TNFAIP8: variants seen among roughly 807,000 people sequenced by gnomAD.
The protein encoded by TNFAIP8 is tumor necrosis factor alpha-induced protein 8.
In TNFAIP8, 7 loss-of-function variants were observed where a neutral mutation model predicts 13.3. The observed-to-expected ratio is 0.52, with a 90% CI of 0.30 to 0.99. The LOEUF is 0.99. TNFAIP8 is among the 50% of genes least tolerant of loss of function. The probability of loss-of-function intolerance (pLI) is 0.07; values close to 1 mark genes in which losing one functional copy is unlikely to be tolerated. For missense variants in TNFAIP8, 258 were observed against 236.9 expected (o/e 1.09, Z -0.58); for synonymous variants, 94 against 87.6 (o/e 1.07, Z -0.41).
upstream of TNFAIP8, chr5:119,355,863 G>T (rs1417351976): frequency 1.8e-6 from 2 of 1,125,300 alleles, no homozygotes; most frequent in South Asian, 5.6e-5. Flanking sequence ...GCGGCTCCGG[G>T]GGCGGACTCC....
chr5:119,363,250 G>C (rs1010846560), intron 1 of TNFAIP8, among the ~76,000 whole-genome samples: 2 of 152,214 alleles, frequency 1.3e-5, no homozygotes, highest in Non-Finnish European at 2.9e-5. Flanking sequence ...TTGGGCCTCA[G>C]CTAAAACCAG....
upstream of TNFAIP8, chr5:119,355,601 CA>C: frequency 1.8e-6 from 1 of 563,120 alleles, no homozygotes; most frequent in Non-Finnish European, 3.1e-6. Flanking sequence ...AAATGTAATC[CA>C]AAAATACAGA....
intron 1 of TNFAIP8, among the ~76,000 whole-genome samples, chr5:119,369,055 C>CTTTTTT (rs61101551): frequency 2.9e-5 from 3 of 105,008 alleles, no homozygotes; most frequent in South Asian, 2.5e-4. Context: ...CTTTTCTTTT[C>CTTTTTT]TTTTTTTTTT....
chr5:119,282,414 T>C (rs2150805380), intron 1 of TNFAIP8, among the ~76,000 whole-genome samples: 1 of 152,310 alleles, frequency 6.6e-6, no homozygotes, highest in South Asian at 2.1e-4. Context: ...CTGGTGAGGC[T>C]TTGCCTTTGT....
At position 119,393,623 on chromosome 5, in the gene TNFAIP8, G is replaced by C. The variant is rs955098090; in HGVS notation, c.*242G>C. The C allele has an allele frequency of 1.0e-5, 5 of 477,240 alleles. No individual in the cohort carries two copies. The highest frequency in any genetic ancestry group is 5.7e-4 in the Middle Eastern group (1 of 1,758). 29.6% of individuals were successfully genotyped at this position (477,240 alleles called of 1,614,324 possible). ...CAGACCATGGGAGAGATATGTGGTTGGGTAATGCAAATGTAGTTATACAAA... is the reference window on the plus strand; with the variant it reads ...CAGACCATGGGAGAGATATGTGGTTCGGTAATGCAAATGTAGTTATACAAA... On this transcript the variant is annotated 3_prime_UTR_variant, in exon 2 of 2. Transcript: ENST00000504771.
upstream of TNFAIP8, chr5:119,355,910 G>C (rs1751386635): frequency 1.5e-6 from 2 of 1,328,290 alleles, no homozygotes; most frequent in Non-Finnish European, 9.8e-7. Context: ...CACTCTTGCA[G>C]AACTTTCCCC....
At chr5:119,292,508 C>G (rs1018475881) in intron 1 of TNFAIP8, among the ~76,000 whole-genome samples, 1 of 150,802 alleles carries the variant, frequency 6.6e-6, no homozygotes, top group Non-Finnish European at 1.5e-5. Flanking sequence ...AGTCTACTTC[C>G]AGATGTCTAC....
intron 1 of TNFAIP8, among the ~76,000 whole-genome samples, chr5:119,297,826 C>T (rs953909976): frequency 6.6e-6 from 1 of 152,204 alleles, no homozygotes; most frequent in Non-Finnish European, 1.5e-5. Context: ...ATAGTTAGCT[C>T]TTCTTGTTGA....
intron 1 of TNFAIP8, among the ~76,000 whole-genome samples, chr5:119,310,563 G>A (rs575362411): frequency 3.3e-5 from 5 of 152,282 alleles, no homozygotes; most frequent in African/African-American, 1.2e-4. Context: ...GGCCAGGTGC[G>A]GTGGCTCACA....
intron 1 of TNFAIP8, among the ~76,000 whole-genome samples, chr5:119,277,392 C>G (rs1385644094): frequency 2.6e-5 from 4 of 152,126 alleles, no homozygotes; most frequent in African/African-American, 9.7e-5. Context: ...ACACAAGTTT[C>G]CATCAGGGAT....
intron 1 of TNFAIP8, among the ~76,000 whole-genome samples, chr5:119,300,431 C>G (rs1749350800): frequency 6.6e-6 from 1 of 152,126 alleles, no homozygotes; most frequent in Non-Finnish European, 1.5e-5. Flanking sequence ...AAAAAGTAGA[C>G]CATCTAAAAC....
intron 1 of TNFAIP8, among the ~76,000 whole-genome samples, chr5:119,296,296 T>TC (rs1447627593): frequency 1.3e-5 from 2 of 152,034 alleles, no homozygotes; most frequent in Admixed American, 1.3e-4. Flanking sequence ...TTGAGTTACG[T>TC]CCCATCAATA....
At chr5:119,355,042 C>T (rs77878811), upstream of TNFAIP8, 1,341 of 395,714 alleles carry the variant, frequency 3.4e-3, 15 homozygotes, top group African/African-American at 0.025. Context: ...CTCTTGTCCC[C>T]GCTTTGCAGA....
chr5:119,385,175 G>A (rs2112849176), intron 1 of TNFAIP8, among the ~76,000 whole-genome samples: 1 of 152,328 alleles, frequency 6.6e-6, no homozygotes, highest in Middle Eastern at 3.4e-3. Context: ...AACTTGAAAT[G>A]ACCTCCAGTG....
intron 1 of TNFAIP8, among the ~76,000 whole-genome samples, chr5:119,271,366 T>C (rs975119148): frequency 2.0e-5 from 3 of 152,202 alleles, no homozygotes; most frequent in African/African-American, 7.2e-5. Flanking sequence ...AGGTCTCATA[T>C]TTAATTGATC....
chr5:119,340,116 C>T (rs7719094), intron 1 of TNFAIP8, among the ~76,000 whole-genome samples: 10,325 of 152,230 alleles, frequency 0.068, 415 homozygotes, highest in African/African-American at 0.11. Context: ...TGTGGTAAGT[C>T]AGTTGGAGCA....
intron 1 of TNFAIP8, among the ~76,000 whole-genome samples, chr5:119,385,851 T>TGAA (rs1752647370): frequency 6.6e-6 from 1 of 152,246 alleles, no homozygotes; most frequent in Admixed American, 6.5e-5. Flanking sequence ...CTTTAACCTA[T>TGAA]GAAGAAGGCT....
At chr5:119,358,757 G>A (rs979953997) in intron 1 of TNFAIP8, among the ~76,000 whole-genome samples, 2 of 152,210 alleles carry the variant, frequency 1.3e-5, no homozygotes, top group African/African-American at 4.8e-5. Flanking sequence ...GTGAGTGGCA[G>A]TTGAGATCTC....
rs533928398 is a variant in TNFAIP8, at chr5:119,273,785, G to A, written c.1+4878G>A. On this transcript the variant is annotated intron_variant, in intron 1 of 1. Coordinates refer to the TNFAIP8 transcript ENST00000274456. ...TTGCGTGAGGTCCGGGAGGCCCAGG[G>A]CAGGGACCGCATCTGCAGGATTAGG... is the stretch of plus-strand genomic sequence containing the variant. Among the ~76,000 whole-genome samples the A allele has an allele frequency of 1.1e-3, 161 of 152,304 alleles. 1 individual carries two copies. In the Middle Eastern group the frequency reaches 0.051, roughly 48 times the overall value.
Sources: allele counts gnomAD v4.1 joint callset (sites outside exome capture counted in the v4.1 genomes callset), GRCh38; gene constraint gnomAD v4.1.1; transcripts MANE v1.5; gene names NCBI Gene and HGNC (gene_info 2026-07-23, HGNC 2026-07-21).